The following PREX1 variants were observed in gnomAD, a reference collection of about 807,000 sequenced individuals.
The protein encoded by PREX1 is phosphatidylinositol-3,4,5-trisphosphate dependent Rac exchange factor 1, also known as phosphatidylinositol 3,4,5-trisphosphate-dependent Rac exchanger 1 protein.
In PREX1, 41 loss-of-function variants were observed where a neutral mutation model predicts 198.3. That is an observed-to-expected ratio of 0.21 (90% CI 0.16 to 0.27). PREX1 has a LOEUF of 0.27. Ranked by LOEUF, PREX1 falls within the 10% of genes least tolerant of loss-of-function variation. PREX1 has a pLI of 1.00. For synonymous variants in PREX1, 843 were observed against 887.2 expected (o/e 0.95, Z 0.89); for missense variants, 1,620 against 2,200.7 (o/e 0.74, Z 5.28).
chr20:48,720,503 T>A (rs1228187890), intron 5 of PREX1, among the ~76,000 whole-genome samples: 4 of 152,104 alleles, frequency 2.6e-5, no homozygotes, highest in Non-Finnish European at 5.9e-5. Flanking sequence ...CAACCGTGGC[T>A]GTCTCTCAGA....
chr20:48,880,170 G>A, the PREX1 span, among the ~76,000 whole-genome samples: 1 of 152,210 alleles, frequency 6.6e-6, no homozygotes, highest in East Asian at 1.9e-4. Context: ...GTGTAATGCT[G>A]TAGTTTAATA....
At chr20:48,673,516 T>G (rs575416515) in intron 14 of PREX1, among the ~76,000 whole-genome samples, 5 of 152,152 alleles carry the variant, frequency 3.3e-5, no homozygotes, top group Non-Finnish European at 5.9e-5. Flanking sequence ...TTGGGAAATA[T>G]GAGGCCCCAG....
intron 15 of PREX1, among the ~76,000 whole-genome samples, chr20:48,664,385 AAAAG>A (rs1229965285): frequency 6.6e-6 from 1 of 151,704 alleles, no homozygotes; most frequent in African/African-American, 2.4e-5. Context: ...AAAAAAAAAA[AAAAG>A]AGAGAGAATC....
rs546285155 is a variant in PREX1 at position 48,677,120 on chromosome 20, T to TG, written c.1590-853dup. 2.1e-3 allele frequency among the ~76,000 whole-genome samples: 325 copies of TG among 152,252 alleles called. 2 individuals are homozygous for TG. Among genetic ancestry groups the TG allele is most frequent in the African/African-American group, 7.4e-3 (306 of 41,550 alleles). On this transcript the variant is annotated intron_variant, in intron 13 of 39. Coordinates refer to ENST00000371941, the MANE Select transcript of PREX1 (RefSeq NM_020820.4). ...GAGGATTTCTCTCAGGCTTTAGGAC[T>TG]GGGGGGGTCTGACAGGCTCCACGTG...
the PREX1 span, among the ~76,000 whole-genome samples, chr20:48,866,738 G>A: frequency 1.3e-5 from 2 of 152,046 alleles, no homozygotes; most frequent in African/African-American, 4.8e-5. Flanking sequence ...ACCAGCCTGG[G>A]CAACATGGCA....
the PREX1 span, among the ~76,000 whole-genome samples, chr20:48,850,613 TG>T: frequency 1.3e-5 from 2 of 151,796 alleles, no homozygotes; most frequent in African/African-American, 4.9e-5. Context: ...GAAAATATTT[TG>T]TTTTTTTTTA....
chr20:48,756,608 G>A (rs891919557), intron 1 of PREX1, among the ~76,000 whole-genome samples: 1 of 152,022 alleles, frequency 6.6e-6, no homozygotes, highest in African/African-American at 2.4e-5. Flanking sequence ...TCTTTAACAG[G>A]CTAATTTCTT....
At position 48,687,885 on chromosome 20, in the gene PREX1, C is replaced by G. The variant is rs1195028545; in HGVS notation, c.1334+772G>C. Among the ~76,000 whole-genome samples, 3 of 152,190 alleles carry G rather than the reference C, an allele frequency of 2.0e-5. No individual in the cohort carries two copies. The East Asian group carries it at 5.8e-4, about 29-fold the overall frequency. ...ATAAAATGGGGCTGTATTTCCCAAA[C>G]AGAGAAAGTGGAGGCTCTGGGCACT... On this transcript the variant is annotated intron_variant, in intron 10 of 39. Transcript: ENST00000371941.
At chr20:48,745,224 A>C in intron 2 of PREX1, 77 bp from the exon 3 acceptor site, 1 of 1,477,924 alleles carries the variant, frequency 6.8e-7, no homozygotes, top group Non-Finnish European at 9.2e-7. Context: ...AAAAATACAA[A>C]CCTCGGTGCG....
In PREX1 at chr20:48,688,641, G is replaced by C. The variant is rs750088364; in HGVS notation, c.1334+16C>G. The C allele has an allele frequency of 2.0e-5, 33 of 1,614,036 alleles. No individual in the cohort carries two copies. The East Asian group carries it at 2.2e-4, about 11-fold the overall frequency. The stretch of plus-strand genomic sequence containing the variant: ...AGAGCCCAGGGACCCAGGGAGTTCA[G>C]AGTGAGGCTACTCACTTGCCAAGAA... On this transcript the variant is annotated intron_variant, in intron 10 of 39. Transcript: ENST00000371941.
chr20:48,739,955 C>T (rs2090073740), intron 3 of PREX1, among the ~76,000 whole-genome samples: 1 of 152,156 alleles, frequency 6.6e-6, no homozygotes, highest in Admixed American at 6.5e-5. Flanking sequence ...GAACCCAGCA[C>T]AAAGAAAATG....
At position 48,653,502 on chromosome 20, in the gene PREX1, G is replaced by C; in HGVS notation, c.2210-5C>G. 1 of 1,606,414 alleles carries C rather than the reference G, an allele frequency of 6.2e-7. No homozygotes were observed. Among genetic ancestry groups the C allele is most frequent in the Non-Finnish European group, 8.5e-7 (1 of 1,175,248 alleles). ...CTGCAGCCATGGCCTCAGAGCCTAA[G>C]GGGAACAGGAGCACATGAGGCTGGA... On this transcript the variant is annotated splice_polypyrimidine_tract_variant and splice_region_variant and intron_variant, in intron 19 of 39. Transcript: ENST00000371941.
chr20:48,664,684 G>C (rs965701988), intron 15 of PREX1, among the ~76,000 whole-genome samples: 37 of 152,284 alleles, frequency 2.4e-4, no homozygotes, highest in Non-Finnish European at 1.5e-5. Context: ...ACATAGCACA[G>C]TAGTTGAGTG....
chr20:48,684,413 G>A lies in PREX1; in HGVS notation c.1335-3078C>T, dbSNP rs1016280813. On this transcript the variant is annotated intron_variant, in intron 10 of 39. Transcript: ENST00000371941. The surrounding 1 kb of genome is among the most constrained non-coding windows in gnomAD (Gnocchi z 4.2). ...ATGCCTCCTGGAGATGACAATGTTG[G>A]ACAAATCCTTACCGACCCTCTCGTG... Among the ~76,000 whole-genome samples the A allele has an allele frequency of 2.0e-5, 3 of 152,120 alleles. No individual in the cohort carries two copies. Among genetic ancestry groups the A allele is most frequent in the African/African-American group, 7.2e-5 (3 of 41,428 alleles).
chr20:48,772,195 A>AAAAT (rs1451415300), intron 1 of PREX1, among the ~76,000 whole-genome samples: 1 of 149,710 alleles, frequency 6.7e-6, no homozygotes, highest in Non-Finnish European at 1.5e-5. Context: ...ACTCTGTCTC[A>AAAAT]AAATAAATAA....
At chr20:48,770,729 T>A (rs1470995337) in intron 1 of PREX1, among the ~76,000 whole-genome samples, 2 of 150,464 alleles carry the variant, frequency 1.3e-5, no homozygotes, top group African/African-American at 4.9e-5. Context: ...AATCTGGCCA[T>A]GCAGAAGTGA....
At chr20:48,760,423 T>A (rs974412313) in intron 1 of PREX1, among the ~76,000 whole-genome samples, 3 of 151,932 alleles carry the variant, frequency 2.0e-5, no homozygotes, top group Admixed American at 6.6e-5. Flanking sequence ...GCCCCCCACA[T>A]CCTCATCACC....
At chr20:48,815,270 T>C (rs2090454300) in intron 1 of PREX1, among the ~76,000 whole-genome samples, 1 of 152,090 alleles carries the variant, frequency 6.6e-6, no homozygotes, top group South Asian at 2.1e-4. Context: ...TGAACAACAC[T>C]AACAACCACC....
intron 1 of PREX1, among the ~76,000 whole-genome samples, chr20:48,780,682 G>A (rs1171392027): frequency 6.6e-6 from 1 of 152,142 alleles, no homozygotes. Context: ...GTTAATAAAA[G>A]TAGGAGGAGT....
Sources: gnomAD v4.1 joint callset for allele counts (sites outside exome capture counted in the v4.1 genomes callset) on GRCh38, gnomAD v4.1.1 for gene constraint, Gnocchi (gnomAD v3.1) non-coding constraint, MANE v1.5 for transcripts, NCBI Gene and HGNC (gene_info 2026-07-23, HGNC 2026-07-21) for gene names.